Variants in UTRN observed in about 807,000 individuals in gnomAD.
UTRN encodes dystrophin-related protein 1.
In UTRN, 283 loss-of-function variants were observed where a neutral mutation model predicts 463.9. That is an observed-to-expected ratio of 0.61 (90% CI 0.55 to 0.67). UTRN has a LOEUF of 0.67. Ranked by LOEUF, UTRN falls within the 30% of genes least tolerant of loss-of-function variation. The pLI is 0.00. For synonymous variants in UTRN, 1,442 were observed against 1,431.5 expected, an observed-to-expected ratio of 1.01 and a Z score of -0.17; for missense variants, 3,922 against 4,084.3, an observed-to-expected ratio of 0.96 and a Z score of 1.08.
In UTRN at chr6:144,339,910, A is replaced by G. The variant is rs546122923; in HGVS notation, c.79+48003A>G. Among the ~76,000 whole-genome samples the G allele has an allele frequency of 2.6e-5, 4 of 152,304 alleles. No individual in the cohort carries two copies. The East Asian group carries it at 7.7e-4, about 29-fold the overall frequency. On this transcript the variant is annotated intron_variant, in intron 2 of 74. Coordinates refer to ENST00000367545, the MANE Select transcript of UTRN (RefSeq NM_007124.3). The stretch of plus-strand genomic sequence containing the variant: ...AGGCCAGGCGTGGTGGCTCACGCCT[A>G]TAATCCCAGGACTTTGGGAGGCCAA...
chr6:144,333,722 C>G (rs1370155524), intron 2 of UTRN, among the ~76,000 whole-genome samples: 13 of 152,192 alleles, frequency 8.5e-5, no homozygotes, highest in Admixed American at 7.9e-4. Context: ...TGTTCATCAA[C>G]AACATGATGA....
chr6:144,322,324 C>A (rs1365538729), intron 2 of UTRN, among the ~76,000 whole-genome samples: 1 of 147,766 alleles, frequency 6.8e-6, no homozygotes, highest in African/African-American at 2.7e-5. Context: ...TGGCTCCCTG[C>A]AGTGTGTCCT....
chr6:144,686,845 T>G (rs13199226), intron 52 of UTRN, among the ~76,000 whole-genome samples: 1 of 151,586 alleles, frequency 6.6e-6, no homozygotes, highest in Admixed American at 6.6e-5. Flanking sequence ...TCTGCCACTA[T>G]GTCTTTTAGG....
chr6:144,519,860 A>G (rs1795935383), intron 39 of UTRN, among the ~76,000 whole-genome samples: 1 of 152,236 alleles, frequency 6.6e-6, no homozygotes, highest in Non-Finnish European at 1.5e-5. Flanking sequence ...TTGCAGAATG[A>G]CAATCCGTTA....
intron 34 of UTRN, among the ~76,000 whole-genome samples, chr6:144,500,954 G>T (rs1794117552): frequency 6.6e-6 from 1 of 152,178 alleles, no homozygotes; most frequent in African/African-American, 2.4e-5. Flanking sequence ...TTTATATAAA[G>T]CCACAAGTAT....
chr6:144,781,876 A>C, intron 60 of UTRN, 46 bp from the exon 61 acceptor site: 1 of 1,406,466 alleles, frequency 7.1e-7, no homozygotes, highest in Non-Finnish European at 1.0e-6. Context: ...TATGTAATGT[A>C]ATGTAATGTA....
chr6:144,691,369 G>A (rs1001364851), intron 52 of UTRN, among the ~76,000 whole-genome samples: 18 of 152,142 alleles, frequency 1.2e-4, no homozygotes, highest in African/African-American at 3.9e-4. Flanking sequence ...CACCCTCCTC[G>A]GCCTTCCAAA....
At chr6:144,801,892 A>T (rs1224917254) in intron 64 of UTRN, among the ~76,000 whole-genome samples, 2 of 152,128 alleles carry the variant, frequency 1.3e-5, no homozygotes, top group Middle Eastern at 6.3e-3. Context: ...TCCAGTGGGG[A>T]GGAAGAGGCA....
chr6:144,588,417 CACTCACTTAAAG>C (rs1802682178), intron 51 of UTRN, among the ~76,000 whole-genome samples: 4 of 152,144 alleles, frequency 2.6e-5, no homozygotes, highest in Non-Finnish European at 5.9e-5. Context: ...AATGCTTTGT[CACTCACTTAAAG>C]AATAACTAAT....
At chr6:144,429,041 C>A in intron 8 of UTRN, 148 bp downstream of exon 8, 1 of 539,478 alleles carries the variant, frequency 1.9e-6, no homozygotes, top group Non-Finnish European at 3.2e-6. Flanking sequence ...CATTTTATTA[C>A]TGACACTTAT....
At chr6:144,650,962 C>A (rs1306962103) in intron 51 of UTRN, among the ~76,000 whole-genome samples, 1 of 151,670 alleles carries the variant, frequency 6.6e-6, no homozygotes, top group Non-Finnish European at 1.5e-5. Context: ...CTTTATGTAA[C>A]CTATTTATAT....
At chr6:144,817,863 G>A (rs928683257) in intron 65 of UTRN, among the ~76,000 whole-genome samples, 2 of 152,080 alleles carry the variant, frequency 1.3e-5, no homozygotes, top group Non-Finnish European at 2.9e-5. Flanking sequence ...TTCTGTGTGT[G>A]TACTAACTTT....
chr6:144,541,182 C>T (rs186004790), intron 45 of UTRN, among the ~76,000 whole-genome samples: 83 of 152,268 alleles, frequency 5.5e-4, no homozygotes, highest in African/African-American at 1.9e-3. Context: ...TTCTATCTTG[C>T]TCAGGGTGAA....
intron 2 of UTRN, among the ~76,000 whole-genome samples, chr6:144,293,769 A>G (rs767858179): frequency 6.6e-6 from 1 of 152,160 alleles, no homozygotes; most frequent in Non-Finnish European, 1.5e-5. Flanking sequence ...TAAACCTATT[A>G]TTCTGTTTCT....
At position 144,646,069 on chromosome 6, in the gene UTRN, A is replaced by G. The variant is rs79007234; in HGVS notation, c.7480-32337A>G. ...TTTACCTGATTAAATAAATGGTAAC[A>G]AGGCCTAGGTCTACTCCTTCGATTT... On this transcript the variant is annotated intron_variant, in intron 51 of 74. Transcript: ENST00000367545. Among the ~76,000 whole-genome samples the G allele has an allele frequency of 9.1e-3, 1,379 of 152,272 alleles. 22 individuals are homozygous for G. The highest frequency in any genetic ancestry group is 0.032 in the African/African-American group (1,327 of 41,548).
intron 43 of UTRN, among the ~76,000 whole-genome samples, chr6:144,535,190 C>T (rs935335855): frequency 1.1e-4 from 16 of 152,198 alleles, no homozygotes; most frequent in Non-Finnish European, 2.2e-4. Flanking sequence ...AAGCAATTCT[C>T]GTGCCTCAGC....
At chr6:144,386,605 A>G (rs1182023880) in intron 2 of UTRN, among the ~76,000 whole-genome samples, 1 of 152,146 alleles carries the variant, frequency 6.6e-6, no homozygotes, top group Admixed American at 6.5e-5. Context: ...TTTTAGGCAA[A>G]GAGTTCTGTG....
intron 49 of UTRN, among the ~76,000 whole-genome samples, chr6:144,555,945 T>G (rs1799342187): frequency 6.6e-6 from 1 of 152,238 alleles, no homozygotes; most frequent in African/African-American, 2.4e-5. Context: ...AAGTTTAGTT[T>G]CCTTTAATGA....
Position 144,849,397 on chromosome 6 carries a change from G to A in UTRN, c.10294-1592G>A, listed in dbSNP as rs192152131. On this transcript the variant is annotated intron_variant, in intron 74 of 74. Transcript: ENST00000367545. ...AAGAGAGAATCTTTTAAAATCCTCAGATATAATACAAGTGCTCAGAATTTA... is the reference window on the plus strand; with the variant it reads ...AAGAGAGAATCTTTTAAAATCCTCAAATATAATACAAGTGCTCAGAATTTA... Among the ~76,000 whole-genome samples, 58 of 152,280 alleles carry A rather than the reference G, an allele frequency of 3.8e-4. No homozygotes were observed. In the East Asian group the frequency reaches 0.011, roughly 29 times the overall value.
Sources: gnomAD v4.1 joint callset for allele counts (sites outside exome capture counted in the v4.1 genomes callset) on GRCh38, gnomAD v4.1.1 for gene constraint, MANE v1.5 for transcripts, NCBI Gene and HGNC (gene_info 2026-07-23, HGNC 2026-07-21) for gene names.